Variants in OR1J2 observed in about 807,000 individuals in gnomAD.
OR1J2 encodes the protein olfactory receptor family 1 subfamily J member 2.
For missense variants in OR1J2, 304 were observed against 246.1 expected (o/e 1.24, Z -1.57); for synonymous variants, 142 against 99.7 (o/e 1.42, Z -2.52).
chr9:122,519,110 C>T, the OR1J2 span: 2 of 1,470,974 alleles, frequency 1.4e-6, no homozygotes, highest in South Asian at 1.2e-5. Flanking sequence ...TTCAATGTCC[C>T]TCTATTTCCA....
the OR1J2 span, among the ~76,000 whole-genome samples, chr9:122,559,968 C>T: frequency 6.6e-6 from 1 of 152,176 alleles, no homozygotes; most frequent in Non-Finnish European, 1.5e-5. Flanking sequence ...GTGTCTAAGT[C>T]TCTTTGTAGG....
At chr9:122,460,013 T>G in the OR1J2 span, among the ~76,000 whole-genome samples, 1 of 152,240 alleles carries the variant, frequency 6.6e-6, no homozygotes, top group South Asian at 2.1e-4. Flanking sequence ...CCTCATAACT[T>G]AGCTCCCACT....
the OR1J2 span, among the ~76,000 whole-genome samples, chr9:122,487,278 G>T: frequency 2.6e-5 from 4 of 152,104 alleles, no homozygotes; most frequent in Non-Finnish European, 5.9e-5. Flanking sequence ...TGTGCTCATA[G>T]CTGGGATGCA....
chr9:122,510,433 A>C (rs555998729), upstream of OR1J2, among the ~76,000 whole-genome samples: 1 of 152,274 alleles, frequency 6.6e-6, no homozygotes, highest in South Asian at 2.1e-4. Flanking sequence ...TTTCTTACAT[A>C]ACATATAAGG....
chr9:122,553,451 CATCCCCAA>C, the OR1J2 span: 1 of 1,614,174 alleles, frequency 6.2e-7, no homozygotes, highest in Non-Finnish European at 8.5e-7. Context: ...CTTCTGCCTC[CATCCCCAA>C]AATGCTGGCC....
At chr9:122,492,857 G>A in the OR1J2 span, among the ~76,000 whole-genome samples, 2 of 152,078 alleles carry the variant, frequency 1.3e-5, no homozygotes, top group African/African-American at 4.8e-5. Context: ...GTTGTAGATG[G>A]CTTTTATTAC....
At chr9:122,536,659 T>G in the OR1J2 span, among the ~76,000 whole-genome samples, 1 of 152,206 alleles carries the variant, frequency 6.6e-6, no homozygotes, top group African/African-American at 2.4e-5. Context: ...ATGTAAATAT[T>G]CTCCCAGACT....
At chr9:122,527,216 G>C in the OR1J2 span, 1 of 1,614,054 alleles carries the variant, frequency 6.2e-7, no homozygotes, top group Non-Finnish European at 8.5e-7. Context: ...GGAAAATTCC[G>C]AAGAGGGACT....
the OR1J2 span, among the ~76,000 whole-genome samples, chr9:122,479,236 A>G: frequency 6.6e-6 from 1 of 152,148 alleles, no homozygotes; most frequent in Non-Finnish European, 1.5e-5. Flanking sequence ...AGTGGATTTC[A>G]GCCATCTCAT....
the OR1J2 span, among the ~76,000 whole-genome samples, chr9:122,456,119 A>G: frequency 5.9e-5 from 9 of 152,350 alleles, no homozygotes; most frequent in African/African-American, 2.2e-4. Context: ...TTTTGAAGTC[A>G]GGAAGTATAA....
chr9:122,566,234 T>C, the OR1J2 span, among the ~76,000 whole-genome samples: 22 of 152,368 alleles, frequency 1.4e-4, no homozygotes, highest in South Asian at 3.9e-3. Flanking sequence ...AAAGTTTTTC[T>C]TCAACTGGTA....
chr9:122,460,596 T>C, the OR1J2 span, among the ~76,000 whole-genome samples: 2 of 152,184 alleles, frequency 1.3e-5, no homozygotes, highest in Non-Finnish European at 2.9e-5. Flanking sequence ...CTATGTGTGC[T>C]CTTTTTTTGG....
the OR1J2 span, among the ~76,000 whole-genome samples, chr9:122,464,240 G>T: frequency 2.6e-5 from 4 of 152,162 alleles, no homozygotes; most frequent in African/African-American, 9.7e-5. Context: ...GCAGTCACAG[G>T]TCTCACCCAG....
chr9:122,478,445 T>A, the OR1J2 span, among the ~76,000 whole-genome samples: 1 of 152,226 alleles, frequency 6.6e-6, no homozygotes, highest in Non-Finnish European at 1.5e-5. Flanking sequence ...CCTATTTAAT[T>A]CTGTATACCC....
the OR1J2 span, among the ~76,000 whole-genome samples, chr9:122,537,795 G>A: frequency 6.6e-6 from 1 of 152,164 alleles, no homozygotes; most frequent in Non-Finnish European, 1.5e-5. Flanking sequence ...GATAAGGTCA[G>A]AGCAGAAGCA....
the OR1J2 span, chr9:122,567,103 C>G: frequency 6.6e-6 from 1 of 152,300 alleles, no homozygotes; most frequent in Admixed American, 6.6e-5. Flanking sequence ...AGAAAATTAG[C>G]TAAAATATAT....
chr9:122,492,702 G>C, the OR1J2 span, among the ~76,000 whole-genome samples: 96,427 of 151,992 alleles, frequency 0.63, 32,287 homozygotes, highest in African/African-American at 0.86. Flanking sequence ...TTTACTATTT[G>C]TTTCTCTTGT....
chr9:122,474,815 C>T, the OR1J2 span, among the ~76,000 whole-genome samples: 5 of 151,114 alleles, frequency 3.3e-5, no homozygotes, highest in Admixed American at 3.3e-4. Context: ...AACATGCTCT[C>T]AAATGGTCAT....
the OR1J2 span, among the ~76,000 whole-genome samples, chr9:122,478,326 G>A: frequency 6.6e-6 from 1 of 152,184 alleles, no homozygotes; most frequent in Non-Finnish European, 1.5e-5. Context: ...AATAGGAAGA[G>A]GAGAAGCTGG....
Sources: gnomAD v4.1 joint callset for allele counts (sites outside exome capture counted in the v4.1 genomes callset) on GRCh38, gnomAD v4.1.1 for gene constraint, MANE v1.5 for transcripts, NCBI Gene and HGNC (gene_info 2026-07-23, HGNC 2026-07-21) for gene names.